ATP9B: variants seen among roughly 807,000 people sequenced by gnomAD.
ATP9B encodes the protein probable phospholipid-transporting ATPase IIB.
Under a neutral mutation model 146.1 loss-of-function variants are expected in ATP9B, and 110 were observed. The ratio of observed to expected loss-of-function variants is 0.75; its 90% CI spans 0.65 to 0.88. The LOEUF is 0.88. Among genes scored for constraint, ATP9B ranks in the 40% least tolerant of loss-of-function variants. The pLI is 0.00. For missense variants in ATP9B, 1,499 were observed against 1,496.4 expected (o/e 1.00, Z -0.03); for synonymous variants, 604 against 569.7 (o/e 1.06, Z -0.86).
chr18:79,190,511 T>TACACACACACACACACACAC (rs68063845), intron 8 of ATP9B, among the ~76,000 whole-genome samples: 2 of 143,550 alleles, frequency 1.4e-5, no homozygotes, highest in African/African-American at 5.3e-5. Flanking sequence ...TTTTTATTTA[T>TACACACACACACACACACAC]ACACACACAC....
chr18:79,142,954 A>AT (rs2094531977), intron 5 of ATP9B, among the ~76,000 whole-genome samples: 1 of 152,204 alleles, frequency 6.6e-6, no homozygotes, highest in African/African-American at 2.4e-5. Context: ...AGGAAGGAAC[A>AT]TTTTCCCTTG....
In ATP9B at chr18:79,140,261, C is replaced by T. The variant is rs919414367; in HGVS notation, c.668-3541C>T. Among the ~76,000 whole-genome samples, 4 of 152,060 alleles carry T rather than the reference C, an allele frequency of 2.6e-5. No homozygotes were observed. In the South Asian group the frequency reaches 8.3e-4, roughly 32 times the overall value. ...AAAGCCTGGCAGCTAACTTAGGGTC[C>T]ATTTTGAGGAACTTATATTTTTTGA... On this transcript the variant is annotated intron_variant, in intron 5 of 29. Transcript: ENST00000426216.
Position 79,329,261 on chromosome 18 carries a change from C to A in ATP9B, c.1894C>A (p.Pro632Thr), listed in dbSNP as rs535160750. 1.9e-6 allele frequency: 3 copies of A among 1,612,196 alleles called. No individual in the cohort carries two copies. The highest frequency in any genetic ancestry group is 2.2e-5 in the South Asian group (2 of 90,676). ...CAGCTTCTGCATTCTGCAGCTGTTTCCCTTCACCTCCGAGAGCAAGCGGAT... is the reference window on the plus strand; with the variant it reads ...CAGCTTCTGCATTCTGCAGCTGTTTACCTTCACCTCCGAGAGCAAGCGGAT... Reference protein sequence around the residue: ...VLSFCILQLFPFTSESKRMGV... With the variant: ...VLSFCILQLFTFTSESKRMGV... Residue 632 changes from proline (P) to threonine (T), a missense_variant, in exon 16 of 30, where the codon CCC becomes ACC. Physicochemically the swap from Pro to Thr is conservative, Grantham distance 38. Transcript: ENST00000426216.
intron 8 of ATP9B, among the ~76,000 whole-genome samples, chr18:79,190,605 G>A (rs1449218749): frequency 6.6e-6 from 1 of 151,980 alleles, no homozygotes; most frequent in Non-Finnish European, 1.5e-5. Context: ...GTGCAGTGGT[G>A]CGATCTCGGC....
At chr18:79,153,532 G>A (rs150233076) in intron 6 of ATP9B, among the ~76,000 whole-genome samples, 3 of 152,212 alleles carry the variant, frequency 2.0e-5, no homozygotes, top group African/African-American at 4.8e-5. Context: ...TCACTTTCCA[G>A]GGCCATTTAG....
intron 4 of ATP9B, among the ~76,000 whole-genome samples, chr18:79,122,857 G>T (rs1256033035): frequency 6.6e-6 from 1 of 151,992 alleles, no homozygotes; most frequent in Non-Finnish European, 1.5e-5. Flanking sequence ...GTCATAACTT[G>T]TTACCAGCTT....
chr18:79,320,696 C>G (rs1412803720), intron 15 of ATP9B, among the ~76,000 whole-genome samples: 1 of 152,150 alleles, frequency 6.6e-6, no homozygotes, highest in Non-Finnish European at 1.5e-5. Context: ...ATGCAGAACT[C>G]CCACCCCCCT....
At chr18:79,221,898 T>G (rs1382389299) in intron 11 of ATP9B, among the ~76,000 whole-genome samples, 1 of 149,606 alleles carries the variant, frequency 6.7e-6, no homozygotes, top group Non-Finnish European at 1.5e-5. Context: ...TGCCTTTATT[T>G]TGGCCAATTT....
chr18:79,263,913 T>C (rs548332472), intron 12 of ATP9B, among the ~76,000 whole-genome samples: 1 of 152,224 alleles, frequency 6.6e-6, no homozygotes, highest in South Asian at 2.1e-4. Context: ...TGAAACCCTG[T>C]CTCTACTAAA....
intron 12 of ATP9B, among the ~76,000 whole-genome samples, chr18:79,259,342 C>T (rs1599358846): frequency 6.6e-6 from 1 of 152,136 alleles, no homozygotes. Flanking sequence ...TTAACTCTTT[C>T]GTCCGTATGC....
At chr18:79,280,716 C>A (rs1194884663) in intron 13 of ATP9B, among the ~76,000 whole-genome samples, 1 of 152,116 alleles carries the variant, frequency 6.6e-6, no homozygotes, top group Non-Finnish European at 1.5e-5. Flanking sequence ...GAGAAAGTTA[C>A]ACAAATTTGA....
intron 11 of ATP9B, among the ~76,000 whole-genome samples, chr18:79,215,256 C>T (rs2095617079): frequency 6.6e-6 from 1 of 151,908 alleles, no homozygotes; most frequent in South Asian, 2.1e-4. Flanking sequence ...ATATCACCAA[C>T]CCTATAAAGT....
At chr18:79,296,613 A>G (rs1312782474) in intron 13 of ATP9B, among the ~76,000 whole-genome samples, 1 of 152,356 alleles carries the variant, frequency 6.6e-6, no homozygotes, top group East Asian at 1.9e-4. Context: ...CACACAGAAA[A>G]TATTTTCATC....
At chr18:79,314,647 A>G (rs2096669757) in intron 15 of ATP9B, among the ~76,000 whole-genome samples, 1 of 152,214 alleles carries the variant, frequency 6.6e-6, no homozygotes. Context: ...TTCTTATGAT[A>G]AGTGATCAAT....
At chr18:79,308,187 G>C (rs1171279769) in intron 15 of ATP9B, among the ~76,000 whole-genome samples, 1 of 152,140 alleles carries the variant, frequency 6.6e-6, no homozygotes, top group Non-Finnish European at 1.5e-5. Context: ...ACCATAGCAA[G>C]GACTGAGAGG....
rs1358563299 is a variant in ATP9B, at chr18:79,077,797, A to G, written c.119+8268A>G. 2.0e-5 allele frequency among the ~76,000 whole-genome samples: 3 copies of G among 152,260 alleles called. No individual in the cohort carries two copies. The East Asian group carries it at 5.8e-4, about 29-fold the overall frequency. On this transcript the variant is annotated intron_variant, in intron 1 of 29. Coordinates refer to ENST00000426216, the MANE Select transcript of ATP9B (RefSeq NM_198531.5). ...TCTACTTTACCCTGTAAGGAAAGTA[A>G]CTTTGAAATGCCCAATCTGTATTTT... is the stretch of plus-strand genomic sequence containing the variant.
intron 13 of ATP9B, among the ~76,000 whole-genome samples, chr18:79,291,563 A>G (rs1465226312): frequency 6.6e-6 from 1 of 152,272 alleles, no homozygotes; most frequent in Non-Finnish European, 1.5e-5. Context: ...TGAAGAAAGT[A>G]CGTGTGCCAC....
chr18:79,288,498 C>G (rs1165489818), intron 13 of ATP9B, among the ~76,000 whole-genome samples: 2 of 152,054 alleles, frequency 1.3e-5, no homozygotes, highest in African/African-American at 4.8e-5. Context: ...TATTTTGAGC[C>G]TATGTCTGTC....
At chr18:79,232,553 C>G (rs2095802315) in intron 11 of ATP9B, among the ~76,000 whole-genome samples, 1 of 152,200 alleles carries the variant, frequency 6.6e-6, no homozygotes, top group South Asian at 2.1e-4. Context: ...CCTATTATCT[C>G]ATACATCATA....
Sources: allele counts gnomAD v4.1 joint callset (sites outside exome capture counted in the v4.1 genomes callset), GRCh38; gene constraint gnomAD v4.1.1; transcripts MANE v1.5; gene names NCBI Gene and HGNC (gene_info 2026-07-23, HGNC 2026-07-21).